Variants in CA10 observed in about 807,000 individuals in gnomAD.
CA10 encodes the protein carbonic anhydrase-related protein 10.
Under a neutral mutation model 44.2 loss-of-function variants are expected in CA10, and 14 were observed. The observed-to-expected ratio is 0.32, with a 90% CI of 0.21 to 0.50. The LOEUF is 0.50. Ranked by LOEUF, CA10 falls within the 20% of genes least tolerant of loss-of-function variation. The pLI, the probability that CA10 is intolerant of heterozygous loss-of-function variation, is 0.99. For synonymous variants in CA10, 159 were observed against 141.6 expected (o/e 1.12, Z -0.87); for missense variants, 350 against 409.7 (o/e 0.85, Z 1.26).
At chr17:52,141,055 G>A (rs562038475) in intron 1 of CA10, among the ~76,000 whole-genome samples, 4 of 152,234 alleles carry the variant, frequency 2.6e-5, no homozygotes, top group African/African-American at 7.2e-5. Flanking sequence ...ATTCCCCAAA[G>A]AGAAGGGTTA....
At chr17:52,069,768 T>C (rs1303073513) in intron 2 of CA10, among the ~76,000 whole-genome samples, 1 of 152,218 alleles carries the variant, frequency 6.6e-6, no homozygotes, top group Non-Finnish European at 1.5e-5. Flanking sequence ...ATAGAGCTCA[T>C]ATATTTTTAT....
rs1293756270 is a variant in CA10 at position 52,150,136 on chromosome 17, G to A, written c.61+7590C>T. Among the ~76,000 whole-genome samples, 3 of 151,852 alleles carry A rather than the reference G, an allele frequency of 2.0e-5. No homozygotes were observed. The South Asian group carries it at 6.2e-4, about 32-fold the overall frequency. On this transcript the variant is annotated intron_variant, in intron 1 of 8. Transcript: ENST00000451037. ...TGTCTCATCTAATCTCCCTTCCTTT[G>A]CAAATGCTGTTTCATATGATCATCC...
rs140835915 is a variant in CA10 at position 51,682,196 on chromosome 17, C to T, written c.466-28460G>A. ...CTTGAAAACTCTGGCCATGAAGTGGCCATTTGTTTTCCGGGCAGAGTCTGC... is the reference window on the plus strand; with the variant it reads ...CTTGAAAACTCTGGCCATGAAGTGGTCATTTGTTTTCCGGGCAGAGTCTGC... On this transcript the variant is annotated intron_variant, in intron 4 of 8. Transcript: ENST00000451037. 3.7e-4 allele frequency among the ~76,000 whole-genome samples: 56 copies of T among 152,282 alleles called. 1 individual carries two copies. Among genetic ancestry groups the T allele is most frequent in the African/African-American group, 1.3e-3 (52 of 41,558 alleles).
Position 52,112,925 on chromosome 17 carries a change from A to C in CA10, c.62-40532T>G, listed in dbSNP as rs557458668. ...AGTTATTCTATAGCAGCTGCGCAGA[A>C]GGGAAGCCATTTCTTTTCTTTTCCT... On this transcript the variant is annotated intron_variant, in intron 1 of 8. Coordinates refer to ENST00000451037, the MANE Select transcript of CA10 (RefSeq NM_020178.5). Among the ~76,000 whole-genome samples, 3 of 152,306 alleles carry C rather than the reference A, an allele frequency of 2.0e-5. No individual in the cohort carries two copies. The East Asian group carries it at 5.8e-4, about 29-fold the overall frequency.
At chr17:52,125,514 G>C (rs945235040) in intron 1 of CA10, among the ~76,000 whole-genome samples, 2 of 152,102 alleles carry the variant, frequency 1.3e-5, no homozygotes, top group African/African-American at 4.8e-5. Context: ...GTGGGAAGTG[G>C]GGCGGATCTC....
chr17:51,809,090 A>C (rs1448765645), intron 3 of CA10, among the ~76,000 whole-genome samples: 1 of 151,148 alleles, frequency 6.6e-6, no homozygotes. Context: ...ATGAGACCTA[A>C]ATAAAAAAAA....
At chr17:51,682,418 A>G (rs767057133) in intron 4 of CA10, among the ~76,000 whole-genome samples, 1 of 152,140 alleles carries the variant, frequency 6.6e-6, no homozygotes, top group Non-Finnish European at 1.5e-5. Context: ...GACTGATTAT[A>G]TGGGGTTTAT....
chr17:52,142,194 G>T (rs1342498615), intron 1 of CA10, among the ~76,000 whole-genome samples: 1 of 152,188 alleles, frequency 6.6e-6, no homozygotes, highest in East Asian at 1.9e-4. Context: ...AAGTTGGAAA[G>T]GTCAGTCTAT....
intron 4 of CA10, among the ~76,000 whole-genome samples, chr17:51,730,695 A>G (rs573351087): frequency 5.9e-5 from 9 of 152,324 alleles, no homozygotes; most frequent in South Asian, 2.1e-4. Context: ...AATTAAAATG[A>G]GCACAAAAAT....
At chr17:52,036,283 CTTGT>C (rs1004631770) in intron 2 of CA10, among the ~76,000 whole-genome samples, 9 of 152,306 alleles carry the variant, frequency 5.9e-5, no homozygotes, top group African/African-American at 2.2e-4. Context: ...CATTCGAAAT[CTTGT>C]TTATTTTAAA....
intron 2 of CA10, among the ~76,000 whole-genome samples, chr17:51,948,449 C>A (rs1983364749): frequency 6.6e-6 from 1 of 152,194 alleles, no homozygotes; most frequent in South Asian, 2.1e-4. Flanking sequence ...GACACACCAA[C>A]ACCAACCAGC....
intron 3 of CA10, among the ~76,000 whole-genome samples, chr17:51,803,046 G>A (rs950874714): frequency 2.6e-5 from 4 of 152,138 alleles, no homozygotes; most frequent in East Asian, 1.9e-4. Flanking sequence ...ATGCTACTCC[G>A]GGTTTAAATG....
At chr17:51,884,837 C>G (rs1029950017) in intron 3 of CA10, among the ~76,000 whole-genome samples, 3 of 152,146 alleles carry the variant, frequency 2.0e-5, no homozygotes, top group Admixed American at 6.5e-5. Flanking sequence ...TAGTCACCAG[C>G]AATCCTAGGA....
intron 3 of CA10, among the ~76,000 whole-genome samples, chr17:51,926,191 G>A (rs969055148): frequency 6.6e-6 from 1 of 152,086 alleles, no homozygotes; most frequent in African/African-American, 2.4e-5. Context: ...TACTGAGAGT[G>A]GAGAGGAACT....
chr17:51,931,961 TTC>T (rs1472710113), intron 2 of CA10, among the ~76,000 whole-genome samples: 3 of 152,130 alleles, frequency 2.0e-5, no homozygotes, highest in Non-Finnish European at 4.4e-5. Flanking sequence ...CTTTCAGCCT[TTC>T]CCTGCCCCTT....
At chr17:51,907,406 G>C (rs1981603451) in intron 3 of CA10, among the ~76,000 whole-genome samples, 1 of 151,818 alleles carries the variant, frequency 6.6e-6, no homozygotes, top group African/African-American at 2.4e-5. Flanking sequence ...TAGCAACCCT[G>C]GCCTTTTTTC....
chr17:52,153,210 T>C (rs1989739269), intron 1 of CA10, among the ~76,000 whole-genome samples: 1 of 152,166 alleles, frequency 6.6e-6, no homozygotes, highest in Non-Finnish European at 1.5e-5. Context: ...GAGTTTTATC[T>C]ATGATGATGG....
At chr17:51,896,979 C>A (rs1247187615) in intron 3 of CA10, among the ~76,000 whole-genome samples, 1 of 151,948 alleles carries the variant, frequency 6.6e-6, no homozygotes, top group African/African-American at 2.4e-5. Flanking sequence ...AGACCTTTGT[C>A]AGATGCATAG....
chr17:51,719,872 C>G (rs764728736), intron 4 of CA10, among the ~76,000 whole-genome samples: 5 of 151,996 alleles, frequency 3.3e-5, no homozygotes, highest in Non-Finnish European at 5.9e-5. Flanking sequence ...GTGGCAGAGC[C>G]AGGGCCTGTC....
Sources: allele counts gnomAD v4.1 joint callset (sites outside exome capture counted in the v4.1 genomes callset), GRCh38; gene constraint gnomAD v4.1.1; transcripts MANE v1.5; gene names NCBI Gene and HGNC (gene_info 2026-07-23, HGNC 2026-07-21).